The following PLD1 variants were observed in gnomAD, a reference collection of about 807,000 sequenced individuals.
PLD1 encodes the protein choline phosphatase 1.
A neutral mutation model predicts 137.1 loss-of-function variants in PLD1; 112 were observed. That is an observed-to-expected ratio of 0.82 (90% CI 0.70 to 0.96). The LOEUF is 0.96. PLD1 is among the 40% of genes least tolerant of loss of function. The pLI, the probability that PLD1 is intolerant of heterozygous loss-of-function variation, is 0.00. For missense variants in PLD1, 1,321 were observed against 1,342.0 expected, an observed-to-expected ratio of 0.98 and a Z score of 0.24; for synonymous variants, 431 against 454.7, an observed-to-expected ratio of 0.95 and a Z score of 0.66.
rs117341902 is a variant in PLD1 at position 171,700,023 on chromosome 3, A to G, written c.1146-197T>C. On this transcript the variant is annotated intron_variant, in intron 11 of 26. Coordinates refer to ENST00000351298, the MANE Select transcript of PLD1 (RefSeq NM_002662.5). ...TAGCCTTTAGCTATACAAAACATCA[A>G]TCTTAGTTCTTTCTCTCTCTCTCTC... 1.9e-3 allele frequency among the ~76,000 whole-genome samples: 291 copies of G among 149,408 alleles called. 10 individuals are homozygous for G. In the East Asian group the frequency reaches 0.043, roughly 22 times the overall value.
intron 24 of PLD1, among the ~76,000 whole-genome samples, chr3:171,615,929 A>C (rs1045130417): frequency 2.6e-5 from 4 of 152,230 alleles, no homozygotes; most frequent in Admixed American, 2.6e-4. Flanking sequence ...AGGTAACACC[A>C]GAATGTTTTC....
intron 1 of PLD1, among the ~76,000 whole-genome samples, chr3:171,759,387 T>C (rs552440493): frequency 1.3e-4 from 20 of 152,344 alleles, no homozygotes; most frequent in Non-Finnish European, 2.5e-4. Flanking sequence ...GATACTAATT[T>C]TTTTCCTTTT....
At chr3:171,764,570 G>T (rs1721675131) in intron 1 of PLD1, among the ~76,000 whole-genome samples, 2 of 151,908 alleles carry the variant, frequency 1.3e-5, no homozygotes, top group Admixed American at 1.3e-4. Context: ...ACTTTGAAAA[G>T]TTAAAGAGTT....
intron 8 of PLD1, among the ~76,000 whole-genome samples, chr3:171,722,995 T>C (rs1287957797): frequency 6.6e-5 from 10 of 152,326 alleles, no homozygotes; most frequent in African/African-American, 2.4e-4. Flanking sequence ...TTATCCTTTA[T>C]GTTACAAACA....
At chr3:171,627,640 A>T (rs57321059) in intron 23 of PLD1, among the ~76,000 whole-genome samples, 2 of 152,054 alleles carry the variant, frequency 1.3e-5, no homozygotes, top group Admixed American at 1.3e-4. Context: ...TGTAAAAGAT[A>T]AGAAATTATA....
intron 8 of PLD1, among the ~76,000 whole-genome samples, chr3:171,718,180 G>GAA (rs1717817493): frequency 6.6e-6 from 1 of 152,148 alleles, no homozygotes; most frequent in African/African-American, 2.4e-5. Flanking sequence ...ACAACTCTAT[G>GAA]CACATAAACT....
intron 1 of PLD1, among the ~76,000 whole-genome samples, chr3:171,764,866 A>AGGAAGG (rs796566714): frequency 4.3e-5 from 1 of 23,028 alleles, no homozygotes. Flanking sequence ...AAAGAAAGAA[A>AGGAAGG]GAAAGAAAGA....
intron 24 of PLD1, among the ~76,000 whole-genome samples, chr3:171,615,304 T>C (rs1488392258): frequency 2.0e-5 from 3 of 152,240 alleles, no homozygotes; most frequent in Non-Finnish European, 2.9e-5. Context: ...TTTTACTCTA[T>C]AAGCATCCTT....
At chr3:171,653,651 T>C (rs1249163039) in intron 21 of PLD1, 1 of 151,516 alleles carries the variant, frequency 6.6e-6, no homozygotes, top group Non-Finnish European at 1.5e-5. Flanking sequence ...TTTTCTAGCA[T>C]AAATACTAAT....
intron 23 of PLD1, among the ~76,000 whole-genome samples, chr3:171,623,077 C>A (rs908179285): frequency 1.3e-5 from 2 of 151,932 alleles, no homozygotes; most frequent in Non-Finnish European, 1.5e-5. Flanking sequence ...TGGGATAGAA[C>A]AATTCACCAT....
In PLD1 at chr3:171,737,537, T is replaced by C. The variant is rs758928330; in HGVS notation, c.283A>G (p.Thr95Ala). 1 of 1,608,444 alleles carries C rather than the reference T, an allele frequency of 6.2e-7. No individual in the cohort carries two copies. Among genetic ancestry groups the C allele is most frequent in the East Asian group, 2.2e-5 (1 of 44,852 alleles). ...GAGTCCATAAACGCTCTGACCCTTG[T>C]TGTAGATGTGAAGCGTTCCACTTCC... is the stretch of plus-strand genomic sequence containing the variant. ...VLEVERFTST[T>A]RVPSINLYTI... The change falls in exon 3 of 27, where the codon ACA becomes GCA. Residue 95 changes from threonine (T) to alanine (A), a missense_variant. By Grantham distance (58) the Thr-to-Ala change is moderately conservative (BLOSUM62 0). Coordinates refer to ENST00000351298, the MANE Select transcript of PLD1 (RefSeq NM_002662.5).
intron 1 of PLD1, among the ~76,000 whole-genome samples, chr3:171,743,885 G>A (rs1021951030): frequency 2.6e-5 from 4 of 152,286 alleles, no homozygotes; most frequent in South Asian, 2.1e-4. Context: ...CACTCAATAC[G>A]TTTGTTGATT....
intron 20 of PLD1, among the ~76,000 whole-genome samples, chr3:171,659,750 T>G (rs1005828046): frequency 2.6e-5 from 4 of 152,166 alleles, no homozygotes; most frequent in Non-Finnish European, 2.9e-5. Context: ...CCTGGTCTAG[T>G]TTTCTCCACC....
chr3:171,770,687 G>A (rs574556272), intron 1 of PLD1, among the ~76,000 whole-genome samples: 54 of 151,916 alleles, frequency 3.6e-4, no homozygotes, highest in African/African-American at 1.2e-3. Context: ...TTGGAGACCA[G>A]CCTGGGCAAC....
intron 17 of PLD1, 137 bp downstream of exon 17, chr3:171,677,429 C>A: frequency 1.3e-6 from 1 of 787,112 alleles, no homozygotes; most frequent in South Asian, 2.0e-5. Context: ...TAAATCTAGT[C>A]TCCAAAGTTT....
At chr3:171,677,467 C>G in intron 17 of PLD1, 99 bp downstream of exon 17, 2 of 1,237,424 alleles carry the variant, frequency 1.6e-6, no homozygotes, top group Non-Finnish European at 2.2e-6. Flanking sequence ...TCAACGGAAG[C>G]AAAACAAAAG....
At chr3:171,674,027 A>G (rs1459474172) in intron 19 of PLD1, among the ~76,000 whole-genome samples, 1 of 152,214 alleles carries the variant, frequency 6.6e-6, no homozygotes, top group African/African-American at 2.4e-5. Flanking sequence ...GTAGTTTGAG[A>G]TGGTTAAACT....
At chr3:171,801,811 A>T (rs181437529) in intron 1 of PLD1, among the ~76,000 whole-genome samples, 17 of 152,348 alleles carry the variant, frequency 1.1e-4, no homozygotes, top group Admixed American at 7.2e-4. Flanking sequence ...AGAACTCAAA[A>T]AAGGTAGGAA....
chr3:171,764,863 GAAA>G lies in PLD1; in HGVS notation c.-31-26784_-31-26782del, dbSNP rs1560288079. 4.6e-3 allele frequency among the ~76,000 whole-genome samples: 113 copies of G among 24,522 alleles called. 5 individuals carry two copies. Among genetic ancestry groups the G allele is most frequent in the Non-Finnish European group, 6.9e-3 (79 of 11,408 alleles). 16.1% of individuals were successfully genotyped at this position (24,522 alleles called of 152,430 possible). On this transcript the variant is annotated intron_variant, in intron 1 of 26. Transcript: ENST00000351298. ...AGAAAGAAAGAAAGAAAGAAAGAAA[GAAA>G]GAAAGAAAGAAAGAAAGAAAGAAAG... is the stretch of plus-strand genomic sequence containing the variant.
Sources: gnomAD v4.1 joint callset for allele counts (sites outside exome capture counted in the v4.1 genomes callset) on GRCh38, gnomAD v4.1.1 for gene constraint, MANE v1.5 for transcripts, NCBI Gene and HGNC (gene_info 2026-07-23, HGNC 2026-07-21) for gene names.